Variants in MAGI2 observed in about 807,000 individuals in gnomAD.
MAGI2 encodes membrane associated guanylate kinase, WW and PDZ domain containing 2, also known as membrane-associated guanylate kinase, WW and PDZ domain-containing protein 2.
A neutral mutation model predicts 133.3 loss-of-function variants in MAGI2; 35 were observed. The observed-to-expected ratio is 0.26, with a 90% CI of 0.20 to 0.35. The LOEUF is 0.35. Among genes scored for constraint, MAGI2 ranks in the 10% least tolerant of loss-of-function variants. MAGI2 has a pLI of 1.00. For synonymous variants in MAGI2, 729 were observed against 710.6 expected, an observed-to-expected ratio of 1.03 and a Z score of -0.41; for missense variants, 1,636 against 1,863.4, an observed-to-expected ratio of 0.88 and a Z score of 2.25.
At chr7:79,013,721 T>A (rs1176246719) in intron 1 of MAGI2, among the ~76,000 whole-genome samples, 1 of 152,142 alleles carries the variant, frequency 6.6e-6, no homozygotes, top group Non-Finnish European at 1.5e-5. Flanking sequence ...GAGGCCCATC[T>A]CATTTTCAGG....
chr7:78,862,428 G>T (rs1330469770), intron 2 of MAGI2, among the ~76,000 whole-genome samples: 1 of 152,138 alleles, frequency 6.6e-6, no homozygotes, highest in Non-Finnish European at 1.5e-5. Context: ...GATATTTTTG[G>T]TTATACATTC....
chr7:78,564,417 G>A (rs1755904839), intron 3 of MAGI2, among the ~76,000 whole-genome samples: 1 of 152,160 alleles, frequency 6.6e-6, no homozygotes, highest in African/African-American at 2.4e-5. Flanking sequence ...GTGATGCCAG[G>A]AATCTGAAGT....
At chr7:79,057,702 C>T (rs187678182) in intron 1 of MAGI2, among the ~76,000 whole-genome samples, 97 of 152,222 alleles carry the variant, frequency 6.4e-4, no homozygotes, top group Non-Finnish European at 1.2e-3. Flanking sequence ...CTTAGTACCT[C>T]CTCTTTATGT....
At chr7:79,168,925 T>TATAG (rs1825243309) in intron 1 of MAGI2, among the ~76,000 whole-genome samples, 2 of 95,074 alleles carry the variant, frequency 2.1e-5, no homozygotes, top group Admixed American at 1.2e-4. Context: ...TATATATATA[T>TATAG]ATATATATAA....
At chr7:78,839,379 C>T (rs999981677) in intron 2 of MAGI2, among the ~76,000 whole-genome samples, 7 of 152,094 alleles carry the variant, frequency 4.6e-5, no homozygotes, top group Middle Eastern at 3.4e-3. Flanking sequence ...CTTTGCGATG[C>T]TAAAAATAAT....
intron 2 of MAGI2, among the ~76,000 whole-genome samples, chr7:78,677,204 T>G (rs1378099852): frequency 2.6e-5 from 4 of 152,076 alleles, no homozygotes; most frequent in Non-Finnish European, 5.9e-5. Flanking sequence ...TCAGTCATAC[T>G]GCTTTGCTAT....
chr7:78,510,656 G>C (rs561827382), intron 4 of MAGI2, among the ~76,000 whole-genome samples: 1 of 152,262 alleles, frequency 6.6e-6, no homozygotes, highest in African/African-American at 2.4e-5. Context: ...CCTCAATAGA[G>C]ACATGTAATG....
intron 10 of MAGI2, among the ~76,000 whole-genome samples, chr7:78,211,482 C>T (rs1443475382): frequency 6.6e-6 from 1 of 152,182 alleles, no homozygotes; most frequent in Non-Finnish European, 1.5e-5. Flanking sequence ...TGGGCACATG[C>T]TATCAGGATG....
At chr7:78,332,964 T>G (rs994770511) in intron 9 of MAGI2, among the ~76,000 whole-genome samples, 2 of 152,222 alleles carry the variant, frequency 1.3e-5, no homozygotes, top group Non-Finnish European at 2.9e-5. Context: ...ATTTTCTGAC[T>G]TTTAGAGAGA....
chr7:79,076,893 T>G (rs1038660291), intron 1 of MAGI2, among the ~76,000 whole-genome samples: 1 of 152,216 alleles, frequency 6.6e-6, no homozygotes, highest in African/African-American at 2.4e-5. Flanking sequence ...GGAAATTAAT[T>G]TATTCCTATT....
chr7:78,059,002 T>C (rs1270004653), intron 21 of MAGI2, among the ~76,000 whole-genome samples: 1 of 152,230 alleles, frequency 6.6e-6, no homozygotes, highest in Non-Finnish European at 1.5e-5. Context: ...TTATTGATTC[T>C]TCTTTCAAGG....
chr7:79,241,314 A>C (rs1832392200), intron 1 of MAGI2, among the ~76,000 whole-genome samples: 1 of 152,224 alleles, frequency 6.6e-6, no homozygotes, highest in African/African-American at 2.4e-5. Context: ...AGTCATATTA[A>C]ATATGATCCT....
At chr7:78,367,300 C>T (rs1296462679) in intron 7 of MAGI2, among the ~76,000 whole-genome samples, 1 of 152,150 alleles carries the variant, frequency 6.6e-6, no homozygotes, top group Non-Finnish European at 1.5e-5. Flanking sequence ...TCTTGCCTCT[C>T]TGTTAGATGA....
chr7:78,807,657 C>T (rs985647490), intron 2 of MAGI2, among the ~76,000 whole-genome samples: 9 of 152,168 alleles, frequency 5.9e-5, no homozygotes, highest in Non-Finnish European at 8.8e-5. Context: ...TTATTTTTGC[C>T]CTTAAGGCAC....
chr7:79,143,248 T>G (rs1292825403), intron 1 of MAGI2, among the ~76,000 whole-genome samples: 1 of 152,170 alleles, frequency 6.6e-6, no homozygotes. Context: ...GTAACTTAGA[T>G]GCAAACAGCA....
At chr7:79,411,911 T>C (rs187449125) in intron 1 of MAGI2, 6 of 151,510 alleles carry the variant, frequency 4.0e-5, no homozygotes, top group Admixed American at 3.3e-4. Flanking sequence ...TGAAATTCAA[T>C]TGAAAAATTG....
chr7:78,547,517 T>A (rs1272790759), intron 3 of MAGI2, among the ~76,000 whole-genome samples: 2 of 152,252 alleles, frequency 1.3e-5, no homozygotes, highest in African/African-American at 4.8e-5. Context: ...CATTCTTCAT[T>A]CATTCATTCG....
At chr7:78,480,965 T>C (rs189098151) in intron 6 of MAGI2, among the ~76,000 whole-genome samples, 1 of 152,084 alleles carries the variant, frequency 6.6e-6, no homozygotes, top group East Asian at 1.9e-4. Flanking sequence ...ATTGGAATAC[T>C]CAACACAGTA....
intron 1 of MAGI2, among the ~76,000 whole-genome samples, chr7:79,345,674 A>C (rs1030232460): frequency 3.3e-5 from 5 of 152,160 alleles, no homozygotes; most frequent in Non-Finnish European, 7.4e-5. Flanking sequence ...TCTAAGAATT[A>C]TGAAGAAGAA....
Sources: gnomAD v4.1 joint callset for allele counts (sites outside exome capture counted in the v4.1 genomes callset) on GRCh38, gnomAD v4.1.1 for gene constraint, MANE v1.5 for transcripts, NCBI Gene and HGNC (gene_info 2026-07-23, HGNC 2026-07-21) for gene names.